Variants in ARVCF observed in about 807,000 individuals in gnomAD.
The protein encoded by ARVCF is ARVCF delta catenin family member, also known as splicing regulator ARVCF.
ARVCF carries 66 observed loss-of-function variants against 90.9 expected under a neutral mutation model. The observed-to-expected ratio is 0.73, with a 90% confidence interval of 0.60 to 0.89. The LOEUF is 0.89. Among genes scored for constraint, ARVCF ranks in the 40% least tolerant of loss-of-function variants. The pLI, the probability that ARVCF is intolerant of heterozygous loss-of-function variation, is 0.00. For missense variants in ARVCF, 1,469 were observed against 1,382.3 expected (o/e 1.06, Z -1.00); for synonymous variants, 653 against 603.4 (o/e 1.08, Z -1.21).
chr22:19,999,889 C>G (rs1229186890), intron 2 of ARVCF, among the ~76,000 whole-genome samples: 2 of 152,154 alleles, frequency 1.3e-5, no homozygotes, highest in Non-Finnish European at 2.9e-5. Flanking sequence ...CCCACTGCCT[C>G]CTCCAAAGGA....
chr22:19,977,289 C>G, intron 9 of ARVCF, 126 bp downstream of exon 9: 1 of 1,300,802 alleles, frequency 7.7e-7, no homozygotes, highest in Non-Finnish European at 1.0e-6. Context: ...GCTTCCCTGC[C>G]TGCCTGTTGG....
At chr22:19,993,563 C>A (rs1944110483) in intron 2 of ARVCF, among the ~76,000 whole-genome samples, 2 of 152,220 alleles carry the variant, frequency 1.3e-5, no homozygotes, top group African/African-American at 4.8e-5. Flanking sequence ...CCTTGGCCTC[C>A]CCTAACCTGG....
At chr22:20,000,733 G>A (rs1016948327) in intron 2 of ARVCF, among the ~76,000 whole-genome samples, 5 of 152,196 alleles carry the variant, frequency 3.3e-5, no homozygotes, top group African/African-American at 1.2e-4. Flanking sequence ...GAGGTGATTA[G>A]TGCCCTTATA....
chr22:20,003,602 A>G (rs184205495), intron 2 of ARVCF, among the ~76,000 whole-genome samples: 4 of 152,384 alleles, frequency 2.6e-5, no homozygotes, highest in Admixed American at 2.0e-4. Flanking sequence ...AATACGCCAC[A>G]GTAATAGAAT....
downstream of ARVCF, chr22:19,967,349 G>C (rs1171501671): frequency 1.7e-6 from 1 of 590,976 alleles, no homozygotes; most frequent in East Asian, 6.7e-5. Flanking sequence ...CCTCCTCCCG[G>C]GTGGCGCTTT....
intron 11 of ARVCF, among the ~76,000 whole-genome samples, chr22:19,974,470 C>T (rs1026738058): frequency 2.6e-5 from 4 of 152,128 alleles, no homozygotes; most frequent in African/African-American, 9.7e-5. Context: ...TGCCTGGCAG[C>T]AGGAGCATCC....
intron 12 of ARVCF, 53 bp downstream of exon 12, chr22:19,974,059 C>T: frequency 1.3e-6 from 2 of 1,563,324 alleles, no homozygotes; most frequent in Non-Finnish European, 1.7e-6. Flanking sequence ...CAGTGAGGTG[C>T]CTGGGATTCC....
At chr22:19,990,493 A>C in intron 3 of ARVCF, 92 bp downstream of exon 3, 1 of 1,424,974 alleles carries the variant, frequency 7.0e-7, no homozygotes, top group Non-Finnish European at 9.5e-7. Context: ...TCTTGCAATA[A>C]GCGAGCGCAT....
intron 2 of ARVCF, among the ~76,000 whole-genome samples, chr22:20,004,170 A>G (rs1944538457): frequency 6.6e-6 from 1 of 152,182 alleles, no homozygotes; most frequent in Non-Finnish European, 1.5e-5. Context: ...TAAGAAACTT[A>G]AGATCTGTAC....
In ARVCF at chr22:19,971,387, C is replaced by T. The variant is rs746397973; in HGVS notation, c.2782-52G>A. The T allele has an allele frequency of 3.3e-6, 5 of 1,520,916 alleles. No individual in the cohort carries two copies. The South Asian group carries it at 6.2e-5, about 19-fold the overall frequency. The allele number at this position is 1,520,916 out of a possible 1,614,324, so 94.2% of individuals were successfully genotyped here. A position where few individuals can be genotyped will look rare whatever the true frequency, so the allele number is the denominator to read the frequency against. ...GCACAATAGAGCAGGTTAGTTAGAG[C>T]TCCTGGGGGGACAGGGCAGGGGCAG... On this transcript the variant is annotated intron_variant, in intron 18 of 19. Transcript: ENST00000263207.
At chr22:19,990,072 G>C (rs1943968509) in intron 3 of ARVCF, among the ~76,000 whole-genome samples, 1 of 152,194 alleles carries the variant, frequency 6.6e-6, no homozygotes, top group African/African-American at 2.4e-5. Flanking sequence ...AGTTCTTAGG[G>C]CCTGGCCATG....
intron 1 of ARVCF, among the ~76,000 whole-genome samples, chr22:20,013,821 C>CA (rs1236127709): frequency 3.3e-5 from 5 of 152,240 alleles, no homozygotes; most frequent in African/African-American, 1.2e-4. Flanking sequence ...CAAGTCCCCT[C>CA]AGAGTGACCC....
intron 3 of ARVCF, among the ~76,000 whole-genome samples, chr22:19,989,884 G>A (rs964204351): frequency 1.3e-5 from 2 of 152,156 alleles, no homozygotes; most frequent in Non-Finnish European, 2.9e-5. Flanking sequence ...CTAGCCCTCA[G>A]TCAGTAACAG....
chr22:19,993,992 G>A (rs1944127536), intron 2 of ARVCF, among the ~76,000 whole-genome samples: 1 of 152,206 alleles, frequency 6.6e-6, no homozygotes, highest in African/African-American at 2.4e-5. Context: ...GTGGCCCGAG[G>A]AGAGAAGCAT....
rs201340924 is a variant in ARVCF at position 19,977,404 on chromosome 22, G to A, written c.1870+11C>T. ...GATGGTAGAGATGATACCCCAGTCCGCCCCACCCACCTTTGGCCTTCTTGC... is the reference window on the plus strand; with the variant it reads ...GATGGTAGAGATGATACCCCAGTCCACCCCACCCACCTTTGGCCTTCTTGC... On this transcript the variant is annotated intron_variant, in intron 9 of 19. Coordinates refer to ENST00000263207, the MANE Select transcript of ARVCF (RefSeq NM_001670.3). The A allele has an allele frequency of 9.0e-5, 136 of 1,504,668 alleles. No individual in the cohort carries two copies. The highest frequency in any genetic ancestry group is 6.9e-4 in the South Asian group (52 of 75,118). The allele number at this position is 1,504,668 out of a possible 1,614,324, so 93.2% of individuals were successfully genotyped here. A position where few individuals can be genotyped will look rare whatever the true frequency, so the allele number is the denominator to read the frequency against.
At position 19,970,488 on chromosome 22, in the gene ARVCF, C is replaced by T. The variant is rs937151442; in HGVS notation, c.*268G>A. On this transcript the variant is annotated 3_prime_UTR_variant, in exon 20 of 20. Transcript: ENST00000263207. ...CTGGGCCCTGCCCCAGCAGCCCAGT[C>T]GGCCTCCTCGGGCCTTCTGTCACTC... The T allele has an allele frequency of 6.6e-6, 7 of 1,063,682 alleles. No individual in the cohort carries two copies. The South Asian group carries it at 9.4e-5, about 14-fold the overall frequency. 65.9% of individuals were successfully genotyped at this position (1,063,682 alleles called of 1,614,324 possible).
At chr22:19,989,406 C>G (rs568163291) in intron 3 of ARVCF, among the ~76,000 whole-genome samples, 9 of 152,180 alleles carry the variant, frequency 5.9e-5, no homozygotes, top group Admixed American at 1.3e-4. Flanking sequence ...GTCTGGACAC[C>G]AAGACTCAAG....
chr22:19,986,914 T>C (rs1410711821), intron 3 of ARVCF, among the ~76,000 whole-genome samples: 1 of 152,114 alleles, frequency 6.6e-6, no homozygotes, highest in Non-Finnish European at 1.5e-5. Flanking sequence ...CGCCCGGCCC[T>C]GGCCCCAGCC....
intron 2 of ARVCF, among the ~76,000 whole-genome samples, chr22:20,001,512 A>G (rs2146446835): frequency 6.6e-6 from 1 of 152,350 alleles, no homozygotes; most frequent in East Asian, 1.9e-4. Flanking sequence ...CACAATGAAA[A>G]GGAGCTGCTG....
Sources: allele counts gnomAD v4.1 joint callset (sites outside exome capture counted in the v4.1 genomes callset), GRCh38; gene constraint gnomAD v4.1.1; transcripts MANE v1.5; gene names NCBI Gene and HGNC (gene_info 2026-07-23, HGNC 2026-07-21).